Variants in FAM169A observed in about 807,000 individuals in gnomAD.
FAM169A encodes the protein family with sequence similarity 169 member A, also known as soluble lamin-associated protein of 75 kDa.
Under a neutral mutation model 75.7 loss-of-function variants are expected in FAM169A, and 24 were observed. That is an observed-to-expected ratio of 0.32 (90% CI 0.23 to 0.45). The LOEUF (loss-of-function observed/expected upper bound fraction) is 0.45. Ranked by LOEUF, FAM169A falls within the 20% of genes least tolerant of loss-of-function variation. The pLI is 1.00. For synonymous variants in FAM169A, 271 were observed against 271.0 expected (o/e 1.00, Z 0.00); for missense variants, 673 against 784.0 (o/e 0.86, Z 1.69).
At chr5:74,835,274 C>T (rs1748513354) in intron 4 of FAM169A, among the ~76,000 whole-genome samples, 1 of 152,118 alleles carries the variant, frequency 6.6e-6, no homozygotes, top group Admixed American at 6.6e-5. Context: ...ACCGCACCAA[C>T]ACTCAGAACT....
At chr5:74,799,459 T>G in intron 10 of FAM169A, 1 of 1,612,170 alleles carries the variant, frequency 6.2e-7, no homozygotes. Context: ...CAACAATGTT[T>G]TGCTGGCAGC....
intron 10 of FAM169A, chr5:74,798,985 C>A (rs1037521277): frequency 2.7e-5 from 32 of 1,170,972 alleles, no homozygotes; most frequent in Middle Eastern, 2.9e-4. Context: ...TTTGAAAACA[C>A]TAAGAATAAT....
At chr5:74,791,840 C>G (rs1745993607) in intron 11 of FAM169A, among the ~76,000 whole-genome samples, 1 of 152,212 alleles carries the variant, frequency 6.6e-6, no homozygotes, top group Non-Finnish European at 1.5e-5. Flanking sequence ...GAATGAGTAG[C>G]AGAAGAAGGT....
At chr5:74,816,846 ACCC>A (rs780294084) in intron 5 of FAM169A, among the ~76,000 whole-genome samples, 2 of 152,010 alleles carry the variant, frequency 1.3e-5, no homozygotes, top group African/African-American at 2.4e-5. Flanking sequence ...ATTGTTATTC[ACCC>A]CCCAAGACTT....
intron 5 of FAM169A, among the ~76,000 whole-genome samples, chr5:74,833,175 G>C (rs1243878088): frequency 6.6e-6 from 1 of 152,058 alleles, no homozygotes; most frequent in African/African-American, 2.4e-5. Context: ...AACTCCCCTG[G>C]AGCCAGTATT....
chr5:74,782,541 C>A (rs1160278301), intron 12 of FAM169A, among the ~76,000 whole-genome samples: 3 of 152,168 alleles, frequency 2.0e-5, no homozygotes, highest in East Asian at 3.9e-4. Flanking sequence ...TTAAAATACT[C>A]CAACAAGTTT....
intron 11 of FAM169A, among the ~76,000 whole-genome samples, chr5:74,793,372 C>T (rs1241277924): frequency 6.6e-6 from 1 of 150,926 alleles, no homozygotes; most frequent in Non-Finnish European, 1.5e-5. Context: ...GAATACTACT[C>T]AGCCACAAAA....
intron 11 of FAM169A, among the ~76,000 whole-genome samples, chr5:74,784,934 A>AAAG (rs2112464284): frequency 1.3e-5 from 2 of 151,860 alleles, no homozygotes; most frequent in South Asian, 4.2e-4. Context: ...AAAAAAAAAA[A>AAAG]AAATGAAAAT....
In FAM169A at chr5:74,839,051, C is replaced by T; in HGVS notation, c.233-1G>A. The T allele has an allele frequency of 6.2e-7, 1 of 1,609,536 alleles. No individual in the cohort carries two copies. Among genetic ancestry groups the T allele is most frequent in the Non-Finnish European group, 8.5e-7 (1 of 1,176,078 alleles). ...TGATCAGCAAGGTAAAGTGCCACAGCTAAAATAGAATAAATAATCATTAAC... is the reference window on the plus strand; with the variant it reads ...TGATCAGCAAGGTAAAGTGCCACAGTTAAAATAGAATAAATAATCATTAAC... On this transcript the variant is annotated splice_acceptor_variant, in intron 3 of 12. Coordinates refer to ENST00000687041, the MANE Select transcript of FAM169A (RefSeq NM_001376049.1). LOFTEE classifies it high-confidence loss of function.
intron 11 of FAM169A, among the ~76,000 whole-genome samples, chr5:74,788,481 G>T (rs955239104): frequency 1.3e-5 from 2 of 152,156 alleles, no homozygotes; most frequent in Non-Finnish European, 2.9e-5. Flanking sequence ...CAAGGCGGGC[G>T]TATCACCTGA....
At position 74,833,935 on chromosome 5, in the gene FAM169A, T is replaced by C. The variant is rs147546527; in HGVS notation, c.490+491A>G. On this transcript the variant is annotated intron_variant, in intron 5 of 12. Transcript: ENST00000687041. ...CTTTAGACTAACAATTTCAAAGCTG[T>C]TTGTATTTACTAAATATATTAAAGC... Among the ~76,000 whole-genome samples the C allele has an allele frequency of 1.2e-3, 187 of 152,348 alleles. 1 individual carries two copies. Among genetic ancestry groups the C allele is most frequent in the African/African-American group, 4.1e-3 (171 of 41,582 alleles).
intron 5 of FAM169A, among the ~76,000 whole-genome samples, chr5:74,817,169 C>T (rs1363154364): frequency 1.3e-5 from 2 of 151,814 alleles, no homozygotes; most frequent in African/African-American, 2.4e-5. Context: ...CACTTGCATT[C>T]GACATTGTAC....
At chr5:74,797,203 G>A (rs1413032605) in intron 10 of FAM169A, among the ~76,000 whole-genome samples, 4 of 152,058 alleles carry the variant, frequency 2.6e-5, no homozygotes, top group Admixed American at 2.0e-4. Context: ...TTGAGACAGG[G>A]TCTCCCTCTG....
intron 6 of FAM169A, among the ~76,000 whole-genome samples, chr5:74,811,252 A>C (rs1747179471): frequency 6.6e-6 from 1 of 152,100 alleles, no homozygotes; most frequent in Non-Finnish European, 1.5e-5. Context: ...CCAAAGTGCT[A>C]AGGCTTTATA....
At chr5:74,805,976 CAAA>C (rs370761667) in intron 6 of FAM169A, among the ~76,000 whole-genome samples, 2 of 85,236 alleles carry the variant, frequency 2.3e-5, no homozygotes, top group African/African-American at 4.3e-5. Flanking sequence ...TTAAAAGCTC[CAAA>C]AAAAAAAAAA....
At chr5:74,818,864 T>C (rs1486669432) in intron 5 of FAM169A, among the ~76,000 whole-genome samples, 1 of 151,616 alleles carries the variant, frequency 6.6e-6, no homozygotes, top group Non-Finnish European at 1.5e-5. Context: ...GGGCAGGTTT[T>C]CGTATGTCAG....
At position 74,856,628 on chromosome 5, in the gene FAM169A, G is replaced by C. The variant is rs1250638752; in HGVS notation, c.-4+9537C>G. Among the ~76,000 whole-genome samples the C allele has an allele frequency of 2.0e-5, 3 of 151,816 alleles. No individual in the cohort carries two copies. The South Asian group carries it at 6.2e-4, about 32-fold the overall frequency. ...TATAGTTTTTTAATCATCCATTGCT[G>C]AAGGACAGAGACAAAAAAGAAGACC... On this transcript the variant is annotated intron_variant, in intron 1 of 12. Coordinates refer to ENST00000687041, the MANE Select transcript of FAM169A (RefSeq NM_001376049.1).
upstream of FAM169A, chr5:74,866,477 C>G (rs1169050099): frequency 1.3e-6 from 1 of 779,196 alleles, no homozygotes; most frequent in Non-Finnish European, 1.6e-6. Flanking sequence ...GGCCCCTCCT[C>G]GGAGCCTGGG....
At position 74,780,072 on chromosome 5, in the gene FAM169A, T is replaced by A. The variant is rs530031745; in HGVS notation, c.*1388A>T. The A allele has an allele frequency of 6.6e-6, 1 of 152,356 alleles. No individual in the cohort carries two copies. Among genetic ancestry groups the A allele is most frequent in the African/African-American group, 2.4e-5 (1 of 41,596 alleles). 9.4% of individuals were successfully genotyped at this position (152,356 alleles called of 1,614,324 possible). A position where few individuals can be genotyped will look rare whatever the true frequency, so the allele number is the denominator to read the frequency against. ...TTTTTAGATTATCTTTGGATTCTAA[T>A]AACCATTTTGTCCATTTTTAAATAA... On this transcript the variant is annotated 3_prime_UTR_variant, in exon 13 of 13. Transcript: ENST00000687041.
Sources: allele counts gnomAD v4.1 joint callset (sites outside exome capture counted in the v4.1 genomes callset), GRCh38; gene constraint gnomAD v4.1.1; transcripts MANE v1.5; gene names NCBI Gene and HGNC (gene_info 2026-07-23, HGNC 2026-07-21).